The following UBE3D variants were observed in gnomAD, a reference collection of about 807,000 sequenced individuals.
UBE3D encodes the protein ubiquitin protein ligase E3D.
In UBE3D, 48 loss-of-function variants were observed where a neutral mutation model predicts 49.6. The observed-to-expected ratio is 0.97, with a 90% confidence interval of 0.77 to 1.23. UBE3D has a LOEUF of 1.23. UBE3D is among the 50% of genes most tolerant of loss of function. The pLI is 0.00. For missense variants in UBE3D, 452 were observed against 468.4 expected (o/e 0.96, Z 0.32); for synonymous variants, 189 against 174.2 (o/e 1.08, Z -0.67).
chr6:83,033,265 C>G (rs1782008518), intron 5 of UBE3D, among the ~76,000 whole-genome samples: 1 of 152,082 alleles, frequency 6.6e-6, no homozygotes, highest in South Asian at 2.1e-4. Context: ...GGGATCTGCC[C>G]CCTGACACAA....
At chr6:82,924,608 C>T (rs1162336949) in intron 9 of UBE3D, among the ~76,000 whole-genome samples, 2 of 152,016 alleles carry the variant, frequency 1.3e-5, no homozygotes, top group Non-Finnish European at 2.9e-5. Context: ...AAATATTTGC[C>T]AAGCAGGGTA....
intron 9 of UBE3D, among the ~76,000 whole-genome samples, chr6:82,898,772 C>T (rs1422266343): frequency 6.6e-6 from 1 of 152,030 alleles, no homozygotes; most frequent in Admixed American, 6.6e-5. Context: ...CACATGTATG[C>T]CTATGTAACA....
At chr6:82,999,519 G>A (rs1398613225) in intron 8 of UBE3D, among the ~76,000 whole-genome samples, 3 of 152,036 alleles carry the variant, frequency 2.0e-5, no homozygotes. Flanking sequence ...CAAGTAGCTG[G>A]GACTATAGGT....
intron 9 of UBE3D, among the ~76,000 whole-genome samples, chr6:82,897,666 C>A (rs1286691214): frequency 2.0e-5 from 3 of 151,870 alleles, no homozygotes; most frequent in African/African-American, 4.8e-5. Flanking sequence ...TACAAACATA[C>A]AATATAAATG....
chr6:82,983,440 G>T (rs1248536722), intron 8 of UBE3D, among the ~76,000 whole-genome samples: 2 of 152,212 alleles, frequency 1.3e-5, no homozygotes, highest in Admixed American at 1.3e-4. Flanking sequence ...GTTGTTTTTA[G>T]TAGGGAATGG....
chr6:82,937,001 A>G (rs1056655167), intron 9 of UBE3D, among the ~76,000 whole-genome samples: 3 of 152,174 alleles, frequency 2.0e-5, no homozygotes, highest in Admixed American at 1.3e-4. Context: ...AAGGAGCCCA[A>G]TCATATCTTC....
chr6:82,940,909 G>A (rs1198817206), intron 9 of UBE3D, among the ~76,000 whole-genome samples: 1 of 152,072 alleles, frequency 6.6e-6, no homozygotes, highest in African/African-American at 2.4e-5. Flanking sequence ...ATTAAAAATA[G>A]GACTAAGAAT....
chr6:83,027,350 C>T (rs560359942), intron 5 of UBE3D, among the ~76,000 whole-genome samples: 4 of 144,900 alleles, frequency 2.8e-5, no homozygotes, highest in African/African-American at 5.1e-5. Context: ...GCAGGAGAAT[C>T]GCTTGAACCC....
chr6:83,065,181 T>G (rs1784414624), intron 1 of UBE3D, among the ~76,000 whole-genome samples: 1 of 152,214 alleles, frequency 6.6e-6, no homozygotes, highest in Non-Finnish European at 1.5e-5. Flanking sequence ...AAGAGCAGTT[T>G]TGGACGAAAA....
chr6:82,928,853 TA>T (rs1562092458), intron 9 of UBE3D, among the ~76,000 whole-genome samples: 1 of 152,184 alleles, frequency 6.6e-6, no homozygotes, highest in Non-Finnish European at 1.5e-5. Flanking sequence ...TGAAGTAATA[TA>T]AATTTGACTG....
intron 9 of UBE3D, among the ~76,000 whole-genome samples, chr6:82,929,124 G>A (rs576358580): frequency 7.2e-5 from 11 of 152,090 alleles, no homozygotes; most frequent in South Asian, 2.1e-4. Flanking sequence ...ATCTTTCTTC[G>A]GGTAAACATA....
intron 3 of UBE3D, among the ~76,000 whole-genome samples, chr6:83,046,412 G>T (rs182258330): frequency 6.6e-5 from 10 of 152,186 alleles, no homozygotes; most frequent in African/African-American, 2.4e-4. Context: ...CTTTTCCTTT[G>T]AAATTAGTAT....
rs192565910 is a variant in UBE3D, at chr6:82,997,163, C to T, written c.1010+21810G>A. Among the ~76,000 whole-genome samples, 28 of 152,252 alleles carry T rather than the reference C, an allele frequency of 1.8e-4. No individual in the cohort carries two copies. The East Asian group carries it at 3.7e-3, about 20-fold the overall frequency. ...ATGTAAAATAAATATACCCCAAGAA[C>T]AACACCACCACTTCTTTCCATCCAC... On this transcript the variant is annotated intron_variant, in intron 8 of 9. Coordinates refer to ENST00000369747, the MANE Select transcript of UBE3D (RefSeq NM_198920.3).
At chr6:82,958,468 T>A (rs1012477559) in intron 8 of UBE3D, among the ~76,000 whole-genome samples, 1 of 152,188 alleles carries the variant, frequency 6.6e-6, no homozygotes, top group Admixed American at 6.5e-5. Flanking sequence ...AAATCAGTGG[T>A]GAATAATGGA....
At chr6:82,959,734 A>AG (rs1218247747) in intron 8 of UBE3D, among the ~76,000 whole-genome samples, 5 of 150,720 alleles carry the variant, frequency 3.3e-5, no homozygotes, top group African/African-American at 1.2e-4. Flanking sequence ...AAAAAAAAAA[A>AG]AAAAAAAAAA....
At chr6:82,957,575 A>G in intron 8 of UBE3D, 125 bp from the exon 9 acceptor site, 1 of 1,154,890 alleles carries the variant, frequency 8.7e-7, no homozygotes, top group Non-Finnish European at 1.2e-6. Context: ...GAAATAAACT[A>G]TATTAAAAAT....
At chr6:82,963,119 A>G (rs1220024605) in intron 8 of UBE3D, among the ~76,000 whole-genome samples, 1 of 152,112 alleles carries the variant, frequency 6.6e-6, no homozygotes, top group Non-Finnish European at 1.5e-5. Context: ...ATAAATAAAA[A>G]TGAAATTAGT....
chr6:82,960,606 A>G (rs1284014881), intron 8 of UBE3D, among the ~76,000 whole-genome samples: 1 of 151,590 alleles, frequency 6.6e-6, no homozygotes, highest in Non-Finnish European at 1.5e-5. Flanking sequence ...TGATATAAAT[A>G]TGGTATTAGG....
chr6:82,965,903 C>T (rs994142686), intron 8 of UBE3D, among the ~76,000 whole-genome samples: 5 of 152,068 alleles, frequency 3.3e-5, no homozygotes, highest in Middle Eastern at 3.2e-3. Flanking sequence ...GGAGGAAATC[C>T]CAGACAACAT....
Sources: allele counts gnomAD v4.1 joint callset (sites outside exome capture counted in the v4.1 genomes callset), GRCh38; gene constraint gnomAD v4.1.1; transcripts MANE v1.5; gene names NCBI Gene and HGNC (gene_info 2026-07-23, HGNC 2026-07-21).